The following ASCC1 variants were observed in gnomAD, a reference collection of about 807,000 sequenced individuals.
ASCC1 encodes the protein ASC-1 complex subunit P50.
Under a neutral mutation model 46.6 loss-of-function variants are expected in ASCC1, and 35 were observed. That is an observed-to-expected ratio of 0.75 (90% CI 0.57 to 0.99). The LOEUF is 0.99. Among genes scored for constraint, ASCC1 ranks in the 50% least tolerant of loss-of-function variants. ASCC1 has a pLI of 0.00. For missense variants in ASCC1, 376 were observed against 428.7 expected (o/e 0.88, Z 1.09); for synonymous variants, 143 against 146.6 (o/e 0.98, Z 0.18).
rs1554839825 is a variant in ASCC1 at position 72,195,150 on chromosome 10, T to TTTG, written c.489+1660_489+1661insCAA. ...GTGTTTTTTGCTGTGTTTTTTTTTT[T>TTTG]TTTTTTTTTTTTTTGAGACAGGGTC... On this transcript the variant is annotated intron_variant, in intron 5 of 9. Coordinates refer to ENST00000672957, the MANE Select transcript of ASCC1 (RefSeq NM_001198800.3). Among the ~76,000 whole-genome samples, 99 of 137,372 alleles carry TTTG rather than the reference T, an allele frequency of 7.2e-4. 2 individuals are homozygous for TTTG. The highest frequency in any genetic ancestry group is 2.2e-3 in the African/African-American group (79 of 36,432). 90.1% of individuals were successfully genotyped at this position (137,372 alleles called of 152,430 possible).
intron 4 of ASCC1, chr10:72,198,743 TCACAA>T: frequency 6.6e-6 from 3 of 454,252 alleles, no homozygotes; most frequent in Non-Finnish European, 1.3e-5. Context: ...TGACTTCACA[TCACAA>T]TTCAATTTAC....
At chr10:72,205,352 G>T (rs1020669843) in intron 3 of ASCC1, among the ~76,000 whole-genome samples, 1 of 152,066 alleles carries the variant, frequency 6.6e-6, no homozygotes, top group Non-Finnish European at 1.5e-5. Flanking sequence ...GCTCAATGCC[G>T]GGTGCGGTGG....
chr10:72,210,128 G>A (rs1368750594), intron 3 of ASCC1, among the ~76,000 whole-genome samples: 1 of 149,750 alleles, frequency 6.7e-6, no homozygotes, highest in Non-Finnish European at 1.5e-5. Context: ...TGTACTGTCT[G>A]TAGAGTCATG....
chr10:72,214,076 G>A (rs1425616025), intron 1 of ASCC1, among the ~76,000 whole-genome samples: 13 of 151,866 alleles, frequency 8.6e-5, no homozygotes, highest in Non-Finnish European at 2.9e-5. Flanking sequence ...AAAAGGGCCA[G>A]GCATGGTGGC....
At chr10:72,149,321 T>C (rs772057963) in intron 7 of ASCC1, among the ~76,000 whole-genome samples, 14 of 151,108 alleles carry the variant, frequency 9.3e-5, no homozygotes, top group South Asian at 4.2e-4. Context: ...GCCTGTAGTC[T>C]CAGCTACTCA....
At chr10:72,214,829 T>C (rs1858861868) in intron 1 of ASCC1, among the ~76,000 whole-genome samples, 1 of 152,032 alleles carries the variant, frequency 6.6e-6, no homozygotes, top group East Asian at 1.9e-4. Flanking sequence ...ACAGTTAAAA[T>C]AACAACTTAA....
intron 7 of ASCC1, among the ~76,000 whole-genome samples, chr10:72,145,195 T>A (rs1207990897): frequency 6.6e-6 from 1 of 152,230 alleles, no homozygotes; most frequent in Non-Finnish European, 1.5e-5. Context: ...TTTTAAGATC[T>A]TCTCTTTGTC....
At chr10:72,210,921 A>T in intron 2 of ASCC1, 90 bp from the exon 3 acceptor site, 1 of 1,184,872 alleles carries the variant, frequency 8.4e-7, no homozygotes, top group Non-Finnish European at 1.2e-6. Flanking sequence ...GTTGAGGTTT[A>T]AAAAAAGCAA....
At chr10:72,135,306 A>C (rs1846053996) in intron 7 of ASCC1, among the ~76,000 whole-genome samples, 2 of 152,160 alleles carry the variant, frequency 1.3e-5, no homozygotes, top group Non-Finnish European at 2.9e-5. Flanking sequence ...TGGGTGCCAC[A>C]TGCCTTGAAG....
chr10:72,130,237 T>C (rs1045776299), intron 8 of ASCC1, among the ~76,000 whole-genome samples: 1 of 151,628 alleles, frequency 6.6e-6, no homozygotes, highest in African/African-American at 2.4e-5. Context: ...TAGGAAGAAA[T>C]GGAAAGTGAC....
At chr10:72,112,679 C>T (rs1843047126) in intron 9 of ASCC1, among the ~76,000 whole-genome samples, 1 of 151,938 alleles carries the variant, frequency 6.6e-6, no homozygotes, top group Admixed American at 6.6e-5. Flanking sequence ...GTCAGTAGTT[C>T]AAGACCAGCC....
At position 72,161,513 on chromosome 10, in the gene ASCC1, A is replaced by T. The variant is rs750730901; in HGVS notation, c.626+25T>A. 30 of 1,613,856 alleles carry T rather than the reference A, an allele frequency of 1.9e-5. No homozygotes were observed. In the Middle Eastern group the frequency reaches 4.9e-4, roughly 27 times the overall value. ...GAAGCCAGCCCAGGTAGACCACCCA[A>T]CCCCCATCCCTGAGAATTACTCACT... On this transcript the variant is annotated intron_variant, in intron 6 of 9. Transcript: ENST00000672957.
intron 9 of ASCC1, among the ~76,000 whole-genome samples, chr10:72,099,464 G>A (rs1038096300): frequency 6.6e-6 from 1 of 152,140 alleles, no homozygotes; most frequent in African/African-American, 2.4e-5. Context: ...GTGGACAGAA[G>A]GCACCACCCA....
At chr10:72,164,560 C>A (rs1194771149) in intron 5 of ASCC1, among the ~76,000 whole-genome samples, 2 of 152,074 alleles carry the variant, frequency 1.3e-5, no homozygotes, top group African/African-American at 2.4e-5. Flanking sequence ...GTTTTTTGCA[C>A]CTTTGCTATT....
chr10:72,210,307 C>T (rs530058937), intron 3 of ASCC1, among the ~76,000 whole-genome samples: 45 of 152,130 alleles, frequency 3.0e-4, no homozygotes, highest in Non-Finnish European at 4.9e-4. Flanking sequence ...TTACAGATGC[C>T]TGCCACCACA....
chr10:72,122,957 C>G (rs762070637), intron 9 of ASCC1, among the ~76,000 whole-genome samples: 1 of 151,944 alleles, frequency 6.6e-6, no homozygotes, highest in Admixed American at 6.5e-5. Flanking sequence ...GATATAAAAT[C>G]AATAATCTAA....
chr10:72,123,830 G>A (rs544672736), intron 9 of ASCC1, among the ~76,000 whole-genome samples: 7 of 152,106 alleles, frequency 4.6e-5, no homozygotes, highest in Non-Finnish European at 8.8e-5. Flanking sequence ...AGCATGGGAG[G>A]CAGGCTCCAC....
At chr10:72,102,148 A>C (rs991519166) in intron 9 of ASCC1, among the ~76,000 whole-genome samples, 2 of 152,188 alleles carry the variant, frequency 1.3e-5, no homozygotes, top group African/African-American at 4.8e-5. Context: ...TAAAAATTAC[A>C]AAAGAAACAT....
At chr10:72,210,121 A>G (rs570936254) in intron 3 of ASCC1, among the ~76,000 whole-genome samples, 24 of 148,706 alleles carry the variant, frequency 1.6e-4, no homozygotes, top group Non-Finnish European at 3.3e-4. Flanking sequence ...CCATGCTTGT[A>G]CTGTCTGTAG....
Sources: gnomAD v4.1 joint callset for allele counts (sites outside exome capture counted in the v4.1 genomes callset) on GRCh38, gnomAD v4.1.1 for gene constraint, MANE v1.5 for transcripts, NCBI Gene and HGNC (gene_info 2026-07-23, HGNC 2026-07-21) for gene names.